Variants in PDE7B observed in about 807,000 individuals in gnomAD.
The protein encoded by PDE7B is 3',5'-cyclic-AMP phosphodiesterase 7B.
A neutral mutation model predicts 56.2 loss-of-function variants in PDE7B; 29 were observed. The observed-to-expected ratio is 0.52, with a 90% confidence interval of 0.38 to 0.70. The LOEUF is 0.70. Ranked by LOEUF, PDE7B falls within the 30% of genes least tolerant of loss-of-function variation. PDE7B has a pLI of 0.00. For synonymous variants in PDE7B, 197 were observed against 196.9 expected (o/e 1.00, Z 0.00); for missense variants, 490 against 565.0 (o/e 0.87, Z 1.35).
intron 2 of PDE7B, among the ~76,000 whole-genome samples, chr6:136,058,259 T>A (rs1776773181): frequency 6.6e-6 from 1 of 152,182 alleles, no homozygotes; most frequent in Non-Finnish European, 1.5e-5. Flanking sequence ...GGTCTTCCAG[T>A]TATGTTCAAG....
chr6:136,080,878 G>A (rs1408907369), intron 2 of PDE7B, among the ~76,000 whole-genome samples: 1 of 152,180 alleles, frequency 6.6e-6, no homozygotes, highest in African/African-American at 2.4e-5. Flanking sequence ...CATGGAGGAA[G>A]GGCACCCATT....
chr6:136,171,711 T>C (rs1778886088), intron 8 of PDE7B, among the ~76,000 whole-genome samples: 1 of 151,820 alleles, frequency 6.6e-6, no homozygotes, highest in Non-Finnish European at 1.5e-5. Context: ...TATGTATACA[T>C]GTGCCATGCT....
intron 2 of PDE7B, among the ~76,000 whole-genome samples, chr6:136,088,151 G>A (rs1313065478): frequency 6.6e-6 from 1 of 152,106 alleles, no homozygotes; most frequent in African/African-American, 2.4e-5. Context: ...CTGCGGCTAA[G>A]GAGCATTCCT....
chr6:135,932,596 A>G (rs72973527), intron 1 of PDE7B, among the ~76,000 whole-genome samples: 4,743 of 152,306 alleles, frequency 0.031, 115 homozygotes, highest in Non-Finnish European at 0.045. Flanking sequence ...GCACACATTC[A>G]TGAAATCGTA....
intron 2 of PDE7B, among the ~76,000 whole-genome samples, chr6:136,080,921 AG>A (rs1777196887): frequency 6.6e-6 from 1 of 152,224 alleles, no homozygotes; most frequent in Non-Finnish European, 1.5e-5. Context: ...GGTCTGGGAA[AG>A]CTTCCTTCAG....
intron 1 of PDE7B, among the ~76,000 whole-genome samples, chr6:135,947,101 T>C (rs1044480154): frequency 8.5e-5 from 13 of 152,154 alleles, no homozygotes; most frequent in Middle Eastern, 6.8e-3. Flanking sequence ...ATATGGGAGA[T>C]GAATAAGGAC....
At chr6:135,915,295 A>G (rs1020970496) in intron 1 of PDE7B, among the ~76,000 whole-genome samples, 1 of 152,150 alleles carries the variant, frequency 6.6e-6, no homozygotes, top group African/African-American at 2.4e-5. Flanking sequence ...CTCTTGAATA[A>G]ATTCTTCGGA....
intron 4 of PDE7B, 121 bp from the exon 5 acceptor site, chr6:136,148,966 A>G (rs1562506013): frequency 2.9e-6 from 2 of 683,202 alleles, no homozygotes; most frequent in Non-Finnish European, 5.3e-6. Context: ...ATTCATTTGC[A>G]CTAGATGGTA....
chr6:136,104,756 A>G (rs562944983), intron 2 of PDE7B, among the ~76,000 whole-genome samples: 54 of 152,276 alleles, frequency 3.5e-4, no homozygotes, highest in African/African-American at 1.2e-3. Context: ...CATACTTACA[A>G]TTGTCCTGCC....
intron 2 of PDE7B, among the ~76,000 whole-genome samples, chr6:136,045,284 C>G (rs1201472695): frequency 1.3e-5 from 2 of 152,168 alleles, no homozygotes; most frequent in African/African-American, 4.8e-5. Flanking sequence ...CCCTGTCTGC[C>G]TTTCCATACA....
chr6:136,147,161 A>T (rs1778427434), intron 3 of PDE7B, among the ~76,000 whole-genome samples, 190 bp from the exon 4 acceptor site: 1 of 123,684 alleles, frequency 8.1e-6, no homozygotes, highest in African/African-American at 2.7e-5. Context: ...ATAAGTAAAA[A>T]TTAAAAAAAA....
At chr6:136,173,102 C>T (rs533999332) in intron 8 of PDE7B, among the ~76,000 whole-genome samples, 1 of 152,198 alleles carries the variant, frequency 6.6e-6, no homozygotes, top group South Asian at 2.1e-4. Context: ...AGATTCAATG[C>T]CATCCCCATC....
At chr6:136,125,835 C>T (rs1335243604) in intron 3 of PDE7B, among the ~76,000 whole-genome samples, 1 of 152,056 alleles carries the variant, frequency 6.6e-6, no homozygotes, top group Middle Eastern at 3.4e-3. Context: ...CTTCCCGGGG[C>T]GTTTTTACCC....
intron 2 of PDE7B, among the ~76,000 whole-genome samples, chr6:136,101,589 T>G (rs1777563531): frequency 6.6e-6 from 1 of 152,232 alleles, no homozygotes; most frequent in Non-Finnish European, 1.5e-5. Context: ...TAGTTTCTAT[T>G]TCTGTCTTCG....
At chr6:135,895,690 A>G (rs1775889206) in intron 1 of PDE7B, among the ~76,000 whole-genome samples, 1 of 152,150 alleles carries the variant, frequency 6.6e-6, no homozygotes, top group African/African-American at 2.4e-5. Context: ...TCATGAAAAC[A>G]CTTAAAAGGA....
chr6:135,962,101 T>G (rs1264536998), intron 2 of PDE7B, among the ~76,000 whole-genome samples: 1 of 152,236 alleles, frequency 6.6e-6, no homozygotes, highest in South Asian at 2.1e-4. Flanking sequence ...GTGGGGTATA[T>G]GGGAAATTGC....
intron 7 of PDE7B, among the ~76,000 whole-genome samples, chr6:136,155,137 C>G (rs1485075544): frequency 2.6e-5 from 4 of 152,208 alleles, no homozygotes; most frequent in Admixed American, 2.6e-4. Flanking sequence ...CTATTTATTA[C>G]ACATTGAAAA....
chr6:135,988,282 G>A (rs1775417306), intron 2 of PDE7B, among the ~76,000 whole-genome samples: 1 of 152,086 alleles, frequency 6.6e-6, no homozygotes, highest in Non-Finnish European at 1.5e-5. Context: ...TGGAATTAGT[G>A]AAAGTTAGAA....
intron 1 of PDE7B, among the ~76,000 whole-genome samples, chr6:135,906,813 T>TTTTTTTTTTTTTTTTTTTTTTTTTG (rs1562434058): frequency 1.8e-5 from 2 of 109,294 alleles, no homozygotes; most frequent in African/African-American, 5.2e-5. Context: ...GAGGTTTGTT[T>TTTTTTTTTTTTTTTTTTTTTTTTTG]TTTTTTTTTT....
Sources: allele counts gnomAD v4.1 joint callset (sites outside exome capture counted in the v4.1 genomes callset), GRCh38; gene constraint gnomAD v4.1.1; transcripts MANE v1.5; gene names NCBI Gene and HGNC (gene_info 2026-07-23, HGNC 2026-07-21).